Variants in RBFOX1 observed in about 807,000 individuals in gnomAD.
The protein encoded by RBFOX1 is RNA binding fox-1 homolog 1, also known as RNA binding protein fox-1 homolog 1.
Under a neutral mutation model 57.7 loss-of-function variants are expected in RBFOX1, and 8 were observed. That is an observed-to-expected ratio of 0.14 (90% CI 0.08 to 0.25). RBFOX1 has a LOEUF of 0.25. Ranked by LOEUF, RBFOX1 falls within the 10% of genes least tolerant of loss-of-function variation. The pLI is 1.00. For synonymous variants in RBFOX1, 326 were observed against 222.4 expected (o/e 1.47, Z -4.15); for missense variants, 611 against 548.5 (o/e 1.11, Z -1.14).
intron 4 of RBFOX1, among the ~76,000 whole-genome samples, chr16:5,956,674 A>ATTTTT (rs1479571823): frequency 0.011 from 961 of 89,168 alleles, 15 homozygotes; most frequent in Admixed American, 0.014. Context: ...ATATATATAT[A>ATTTTT]TATATTTTTT....
intron 3 of RBFOX1, among the ~76,000 whole-genome samples, chr16:6,995,690 C>T (rs1329015202): frequency 1.3e-5 from 2 of 151,788 alleles, no homozygotes; most frequent in African/African-American, 2.4e-5. Context: ...AACCTGGGAG[C>T]ACAGAGGTTG....
At chr16:5,393,868 A>T (rs1017335502) in intron 1 of RBFOX1, among the ~76,000 whole-genome samples, 1 of 151,900 alleles carries the variant, frequency 6.6e-6, no homozygotes, top group African/African-American at 2.4e-5. Context: ...TTAAACACTA[A>T]CTTCCCATTC....
At chr16:6,722,062 T>G (rs1320908999) in intron 3 of RBFOX1, 1 of 152,264 alleles carries the variant, frequency 6.6e-6, no homozygotes, top group Non-Finnish European at 1.5e-5. Context: ...GATGAACGCT[T>G]GGATTGCTTT....
At chr16:6,941,898 C>G (rs150627052) in intron 3 of RBFOX1, among the ~76,000 whole-genome samples, 121 of 152,174 alleles carry the variant, frequency 8.0e-4, no homozygotes, top group African/African-American at 2.7e-3. Flanking sequence ...GCTTCAAATG[C>G]CTGTGCTCAA....
chr16:5,904,137 A>G (rs959022506), intron 4 of RBFOX1, among the ~76,000 whole-genome samples: 1 of 152,088 alleles, frequency 6.6e-6, no homozygotes, highest in Non-Finnish European at 1.5e-5. Flanking sequence ...GAGTAATTGG[A>G]TCATTCGGAG....
At chr16:5,539,906 A>C (rs1040432013) in intron 2 of RBFOX1, among the ~76,000 whole-genome samples, 2 of 152,202 alleles carry the variant, frequency 1.3e-5, no homozygotes, top group Non-Finnish European at 2.9e-5. Context: ...TAAGAGGTAA[A>C]CAAGTATTTT....
chr16:7,429,698 T>C (rs577978479), intron 4 of RBFOX1, among the ~76,000 whole-genome samples: 1 of 152,284 alleles, frequency 6.6e-6, no homozygotes, highest in East Asian at 1.9e-4. Context: ...AGATAATATA[T>C]CTTTTCCCTT....
At chr16:6,356,341 G>C (rs532959979) in intron 2 of RBFOX1, among the ~76,000 whole-genome samples, 1 of 152,280 alleles carries the variant, frequency 6.6e-6, no homozygotes, top group East Asian at 1.9e-4. Flanking sequence ...TTAATTGTTG[G>C]TACCCTTGAT....
intron 4 of RBFOX1, among the ~76,000 whole-genome samples, chr16:7,253,414 T>C (rs2094562345): frequency 6.6e-6 from 1 of 152,188 alleles, no homozygotes; most frequent in Non-Finnish European, 1.5e-5. Context: ...TGACAACCCC[T>C]CAACCTCTTC....
At chr16:7,435,473 C>G (rs2098714283) in intron 4 of RBFOX1, among the ~76,000 whole-genome samples, 1 of 152,204 alleles carries the variant, frequency 6.6e-6, no homozygotes, top group Non-Finnish European at 1.5e-5. Context: ...TCTTTGCATA[C>G]TGTGCTCTTT....
chr16:6,840,513 G>T (rs758966275), intron 3 of RBFOX1, among the ~76,000 whole-genome samples: 5 of 152,050 alleles, frequency 3.3e-5, no homozygotes, highest in Non-Finnish European at 7.4e-5. Flanking sequence ...TAATCCCAAG[G>T]TGATAGTATT....
At chr16:6,958,457 C>G (rs1303143725) in intron 3 of RBFOX1, among the ~76,000 whole-genome samples, 2 of 152,120 alleles carry the variant, frequency 1.3e-5, no homozygotes, top group South Asian at 2.1e-4. Flanking sequence ...TCTCGCAATT[C>G]CTCGGGATAA....
intron 1 of RBFOX1, among the ~76,000 whole-genome samples, chr16:6,173,520 C>G (rs889097080): frequency 7.2e-5 from 11 of 152,002 alleles, no homozygotes; most frequent in African/African-American, 2.4e-4. Flanking sequence ...GATGCTTACT[C>G]CCTGTCTACC....
At chr16:6,883,744 T>C (rs2063408280) in intron 3 of RBFOX1, among the ~76,000 whole-genome samples, 1 of 152,178 alleles carries the variant, frequency 6.6e-6, no homozygotes, top group Non-Finnish European at 1.5e-5. Context: ...AAAAGTTTTC[T>C]ACAGTTCTTA....
intron 4 of RBFOX1, among the ~76,000 whole-genome samples, chr16:7,224,283 G>T (rs993926928): frequency 1.3e-5 from 2 of 152,132 alleles, no homozygotes; most frequent in African/African-American, 2.4e-5. Context: ...GTTATGGACA[G>T]TGTTTCTCTA....
chr16:5,693,065 G>C (rs1407110954), intron 3 of RBFOX1, among the ~76,000 whole-genome samples: 1 of 152,162 alleles, frequency 6.6e-6, no homozygotes, highest in Admixed American at 6.5e-5. Context: ...GTATCTTCCC[G>C]AGAAGGCAGT....
intron 4 of RBFOX1, among the ~76,000 whole-genome samples, chr16:7,162,814 C>T (rs533915997): frequency 3.9e-5 from 6 of 152,166 alleles, no homozygotes; most frequent in Non-Finnish European, 7.3e-5. Flanking sequence ...CTTTCTCCTT[C>T]TTCCTCATCT....
chr16:5,420,974 CCTT>C (rs1244888463), intron 1 of RBFOX1, among the ~76,000 whole-genome samples: 4 of 131,178 alleles, frequency 3.0e-5, no homozygotes, highest in Non-Finnish European at 4.7e-5. Context: ...TTTTCCTCCT[CCTT>C]CTTCCCTTCC....
intron 2 of RBFOX1, among the ~76,000 whole-genome samples, chr16:5,539,302 G>C (rs1303271746): frequency 6.6e-6 from 1 of 152,088 alleles, no homozygotes; most frequent in East Asian, 1.9e-4. Context: ...TGTTCCAAGG[G>C]AGTGATGGGG....
Sources: allele counts gnomAD v4.1 joint callset (sites outside exome capture counted in the v4.1 genomes callset), GRCh38; gene constraint gnomAD v4.1.1; transcripts MANE v1.5; gene names NCBI Gene and HGNC (gene_info 2026-07-23, HGNC 2026-07-21).